RPS6KA5: variants seen among roughly 807,000 people sequenced by gnomAD.
RPS6KA5 encodes the protein ribosomal protein S6 kinase A5.
Under a neutral mutation model 85.5 loss-of-function variants are expected in RPS6KA5, and 27 were observed. The observed-to-expected ratio is 0.32, with a 90% CI of 0.23 to 0.44. The LOEUF is 0.44. Ranked by LOEUF, RPS6KA5 falls within the 20% of genes least tolerant of loss-of-function variation. RPS6KA5 has a pLI of 1.00. For missense variants in RPS6KA5, 811 were observed against 980.9 expected (o/e 0.83, Z 2.31); for synonymous variants, 334 against 348.2 (o/e 0.96, Z 0.46).
chr14:91,050,674 C>T lies in RPS6KA5; in HGVS notation c.103+9658G>A, dbSNP rs576438565. On this transcript the variant is annotated intron_variant, in intron 1 of 16. Coordinates refer to ENST00000614987, the MANE Select transcript of RPS6KA5 (RefSeq NM_004755.4). Reference sequence around the variant, plus strand: ...AAACTCCCGACCCCAGGTGATACACCCGCCTCAGCCTCCCAAAGTGCTGGG... The same window carrying T: ...AAACTCCCGACCCCAGGTGATACACTCGCCTCAGCCTCCCAAAGTGCTGGG... Among the ~76,000 whole-genome samples, 4 of 152,272 alleles carry T rather than the reference C, an allele frequency of 2.6e-5. No individual in the cohort carries two copies. The South Asian group carries it at 8.3e-4, about 32-fold the overall frequency.
intron 6 of RPS6KA5, among the ~76,000 whole-genome samples, chr14:90,920,772 C>CA (rs2036365261): frequency 6.6e-6 from 1 of 151,736 alleles, no homozygotes; most frequent in South Asian, 2.1e-4. Flanking sequence ...ACATAAACCT[C>CA]AGAGTCTTCA....
intron 1 of RPS6KA5, among the ~76,000 whole-genome samples, chr14:91,033,304 T>A (rs1329172368): frequency 1.3e-5 from 2 of 152,158 alleles, no homozygotes; most frequent in African/African-American, 4.8e-5. Context: ...TGGAAAAGAT[T>A]TTTTTTAACG....
chr14:91,016,747 C>T (rs1201888005), intron 1 of RPS6KA5, among the ~76,000 whole-genome samples: 2 of 151,388 alleles, frequency 1.3e-5, no homozygotes, highest in African/African-American at 2.4e-5. Flanking sequence ...TACATATCAA[C>T]TTATGGACTA....
intron 1 of RPS6KA5, among the ~76,000 whole-genome samples, chr14:91,005,839 A>T (rs2040995175): frequency 6.6e-6 from 1 of 152,212 alleles, no homozygotes; most frequent in Non-Finnish European, 1.5e-5. Context: ...TTCACCCTAC[A>T]GGTGAAATAA....
intron 14 of RPS6KA5, among the ~76,000 whole-genome samples, chr14:90,878,368 G>A (rs1026746539): frequency 1.3e-5 from 2 of 152,282 alleles, no homozygotes; most frequent in Admixed American, 1.3e-4. Context: ...ATGTGTTCCA[G>A]ATCCCCCCTC....
intron 2 of RPS6KA5, among the ~76,000 whole-genome samples, chr14:90,996,828 C>T (rs1015638191): frequency 6.6e-6 from 1 of 151,854 alleles, no homozygotes; most frequent in Non-Finnish European, 1.5e-5. Context: ...TATAGAGATC[C>T]CTTATTATAT....
chr14:90,943,042 G>A (rs988457077), intron 5 of RPS6KA5, 36 bp downstream of exon 5: 4 of 1,133,070 alleles, frequency 3.5e-6, no homozygotes, highest in African/African-American at 1.5e-5. Flanking sequence ...TTGTTTACAT[G>A]CTGTTATTAC....
intron 1 of RPS6KA5, among the ~76,000 whole-genome samples, chr14:91,044,269 G>A (rs2042720710): frequency 8.1e-5 from 1 of 12,330 alleles, no homozygotes; most frequent in African/African-American, 2.6e-4. Context: ...GAGGGAGAGA[G>A]AGAGAAAGAA....
intron 3 of RPS6KA5, among the ~76,000 whole-genome samples, chr14:90,977,392 T>A (rs1388922956): frequency 6.6e-6 from 1 of 152,152 alleles, no homozygotes; most frequent in Non-Finnish European, 1.5e-5. Context: ...TGCAAAGCAG[T>A]CTGGGAATGT....
intron 14 of RPS6KA5, among the ~76,000 whole-genome samples, chr14:90,876,832 A>G (rs1224912854): frequency 2.0e-5 from 3 of 152,226 alleles, no homozygotes; most frequent in Non-Finnish European, 4.4e-5. Context: ...GGAGACATGG[A>G]AGCCACAGGA....
At chr14:90,918,621 T>C (rs1168256368) in intron 7 of RPS6KA5, among the ~76,000 whole-genome samples, 1 of 152,230 alleles carries the variant, frequency 6.6e-6, no homozygotes, top group East Asian at 1.9e-4. Flanking sequence ...TTCCTTTATG[T>C]TTCCTTCCAG....
At position 90,953,116 on chromosome 14, in the gene RPS6KA5, G is replaced by C. The variant is rs975593677; in HGVS notation, c.395-5566C>G. On this transcript the variant is annotated intron_variant, in intron 3 of 16. Coordinates refer to ENST00000614987, the MANE Select transcript of RPS6KA5 (RefSeq NM_004755.4). The stretch of plus-strand genomic sequence containing the variant: ...AAGGGAGAGATGTTGCGAGAAATCA[G>C]GGACCCCGAATGGAGGGACCAGCTG... Among the ~76,000 whole-genome samples, 5 of 152,304 alleles carry C rather than the reference G, an allele frequency of 3.3e-5. No homozygotes were observed. In the East Asian group the frequency reaches 9.6e-4, roughly 29 times the overall value.
rs1446671260 is a variant in RPS6KA5 at position 90,868,510 on chromosome 14, CTTAT to C, written c.*3560_*3563del. On this transcript the variant is annotated 3_prime_UTR_variant, in exon 17 of 17. Coordinates refer to ENST00000614987, the MANE Select transcript of RPS6KA5 (RefSeq NM_004755.4). ...ACATAAGTGGCATATCAGAATTTAACTTATTTACTTAGATCTTAAGGAATATTAG... is the reference window on the plus strand; with the variant it reads ...ACATAAGTGGCATATCAGAATTTAACTTACTTAGATCTTAAGGAATATTAG... 6.6e-6 allele frequency: 1 copy of C among 152,122 alleles called. No homozygotes were observed. The highest frequency in any genetic ancestry group is 2.4e-5 in the African/African-American group (1 of 41,436). The allele number at this position is 152,122 out of a possible 1,614,324, so 9.4% of individuals were successfully genotyped here. A position where few individuals can be genotyped will look rare whatever the true frequency, so the allele number is the denominator to read the frequency against.
In RPS6KA5 at chr14:90,890,486, C is replaced by A; in HGVS notation, c.1836+1G>T. The stretch of plus-strand genomic sequence containing the variant: ...TAATGACTGTATTGAAAAGAACTCA[C>A]CAAAATGACGCCCAAGCTCCACAGG... On this transcript the variant is annotated splice_donor_variant, in intron 14 of 16. Transcript: ENST00000614987. LOFTEE classifies it high-confidence loss of function. The A allele has an allele frequency of 6.2e-7, 1 of 1,600,886 alleles. No individual in the cohort carries two copies. Among genetic ancestry groups the A allele is most frequent in the Non-Finnish European group, 8.5e-7 (1 of 1,173,364 alleles).
chr14:90,906,418 G>T, intron 7 of RPS6KA5, 119 bp from the exon 8 acceptor site: 1 of 708,790 alleles, frequency 1.4e-6, no homozygotes, highest in Admixed American at 2.8e-5. Flanking sequence ...TACTTAACAT[G>T]AATCAATAAT....
intron 3 of RPS6KA5, among the ~76,000 whole-genome samples, chr14:90,978,046 C>T (rs1052601871): frequency 2.6e-5 from 4 of 151,962 alleles, no homozygotes; most frequent in African/African-American, 7.3e-5. Flanking sequence ...CAGAGCCAGA[C>T]TCTGCCTCAA....
chr14:90,889,111 T>C (rs931925123), intron 14 of RPS6KA5, among the ~76,000 whole-genome samples: 9 of 151,904 alleles, frequency 5.9e-5, no homozygotes, highest in Admixed American at 3.9e-4. Flanking sequence ...CTGACCAACA[T>C]GGTAAAACCT....
intron 2 of RPS6KA5, among the ~76,000 whole-genome samples, chr14:90,998,825 T>C (rs181598639): frequency 2.0e-5 from 3 of 152,280 alleles, no homozygotes; most frequent in African/African-American, 7.2e-5. Flanking sequence ...AGATTGGGCC[T>C]ATATGGCATG....
intron 3 of RPS6KA5, among the ~76,000 whole-genome samples, chr14:90,950,424 C>T (rs1338055197): frequency 6.6e-6 from 1 of 152,156 alleles, no homozygotes; most frequent in African/African-American, 2.4e-5. Flanking sequence ...TTCTTGCCTA[C>T]AATGTTGAAT....
Sources: gnomAD v4.1 joint callset for allele counts (sites outside exome capture counted in the v4.1 genomes callset) on GRCh38, gnomAD v4.1.1 for gene constraint, MANE v1.5 for transcripts, NCBI Gene and HGNC (gene_info 2026-07-23, HGNC 2026-07-21) for gene names.